Variants in POLE observed in about 807,000 individuals in gnomAD.
The protein encoded by POLE is DNA polymerase epsilon catalytic subunit A.
POLE carries 188 observed loss-of-function variants against 279.2 expected under a neutral mutation model. That is an observed-to-expected ratio of 0.67 (90% CI 0.60 to 0.76). The LOEUF is 0.76. Among genes scored for constraint, POLE ranks in the 30% least tolerant of loss-of-function variants. POLE has a pLI of 0.00. For missense variants in POLE, 2,703 were observed against 3,016.7 expected (o/e 0.90, Z 2.44); for synonymous variants, 1,214 against 1,172.5 (o/e 1.04, Z -0.72).
intron 25 of POLE, 36 bp downstream of exon 25, chr12:132,660,933 C>T (rs2138687773): frequency 2.0e-6 from 3 of 1,521,396 alleles, no homozygotes; most frequent in Non-Finnish European, 2.7e-6. Flanking sequence ...ATCCTTCATC[C>T]CTCAGAGCAG....
At position 132,649,704 on chromosome 12, in the gene POLE, C is replaced by G. The variant is rs776702809; in HGVS notation, c.3768G>C (p.Gly1256=). The G allele has an allele frequency of 6.2e-7, 1 of 1,613,980 alleles. No individual in the cohort carries two copies. The highest frequency in any genetic ancestry group is 8.5e-7 in the Non-Finnish European group (1 of 1,180,038). ...GGCTGGTTCCCAGGGCGGGAGGCTGCCCCAAGATTTCCTGCCAGGGCACAG... is the reference window on the plus strand; with the variant it reads ...GGCTGGTTCCCAGGGCGGGAGGCTGGCCCAAGATTTCCTGCCAGGGCACAG... ...TPTVPWQEIL[G]QPPALGTSQE... is the part of the protein sequence containing the mutation. The change falls in exon 30 of 49, where the codon GGG becomes GGC. Residue 1256 remains glycine, a synonymous_variant. Transcript: ENST00000320574.
In POLE at chr12:132,672,948, C is replaced by A. The variant is rs5744779; in HGVS notation, c.1474-109G>T. ...TTCAGTGTGAAAGGAGAGAAAACCT[C>A]GTGGTAAATGGCTGCAAATTCTGCC... is the stretch of plus-strand genomic sequence containing the variant. On this transcript the variant is annotated intron_variant, in intron 14 of 48. Transcript: ENST00000320574. The A allele has an allele frequency of 2.9e-6, 3 of 1,044,438 alleles. No homozygotes were observed. In the East Asian group the frequency reaches 7.8e-5, roughly 27 times the overall value. The allele number at this position is 1,044,438 out of a possible 1,614,324, so 64.7% of individuals were successfully genotyped here. A position where few individuals can be genotyped will look rare whatever the true frequency, so the allele number is the denominator to read the frequency against.
In POLE at chr12:132,624,893, G is replaced by A; in HGVS notation, c.6747+12C>T. On this transcript the variant is annotated intron_variant, in intron 48 of 48. Transcript: ENST00000320574. Reference sequence around the variant, plus strand: ...GGCCAGGCTGAGCCGAGGCAGATGAGGGAGAGCCCACCTGGGTGTGGATGG... The same window carrying A: ...GGCCAGGCTGAGCCGAGGCAGATGAAGGAGAGCCCACCTGGGTGTGGATGG... The A allele has an allele frequency of 1.2e-6, 2 of 1,611,706 alleles. No homozygotes were observed. The highest frequency in any genetic ancestry group is 1.7e-6 in the Non-Finnish European group (2 of 1,177,732).
Position 132,642,699 on chromosome 12 carries a change from C to G in POLE, c.4759G>C (p.Val1587Leu), listed in dbSNP as rs372388555. The G allele has an allele frequency of 1.2e-6, 2 of 1,613,692 alleles. No individual in the cohort carries two copies. Among genetic ancestry groups the G allele is most frequent in the Non-Finnish European group, 8.5e-7 (1 of 1,179,946 alleles). Residue 1587 changes from valine to leucine, a missense_variant, in exon 37 of 49, where the codon GTT (valine) becomes CTT (leucine). Around this residue, in one of 5 missense-constraint regions of POLE, gnomAD observed 1,551 missense variants for 1,686.1 expected, o/e 0.92. Transcript: ENST00000320574. ...EERRGPTLIAVQSSWELKRLA... is the reference protein window; with the variant it reads ...EERRGPTLIALQSSWELKRLA... ...CTCTTCAGCTCCCAGCTGGACTGAA[C>G]AGCGATGAGTGTGGGCCCCCGGCGC...
At chr12:132,655,307 T>C (rs1017560009) in intron 29 of POLE, among the ~76,000 whole-genome samples, 2 of 152,212 alleles carry the variant, frequency 1.3e-5, no homozygotes, top group Non-Finnish European at 2.9e-5. Context: ...CCACAAGTTA[T>C]AAATGTGTTT....
rs758619238 is a variant in POLE at position 132,638,083 on chromosome 12, C to A, written c.5609G>T (p.Arg1870Leu). 1.2e-6 allele frequency: 2 copies of A among 1,613,760 alleles called. No individual in the cohort carries two copies. Among genetic ancestry groups the A allele is most frequent in the Non-Finnish European group, 1.7e-6 (2 of 1,179,848 alleles). ...GCGCTTCTTTGTACAGAGGATGATGCGGTTGAAGTTGGCGTAGATGACTGA... is the reference window on the plus strand; with the variant it reads ...GCGCTTCTTTGTACAGAGGATGATGAGGTTGAAGTTGGCGTAGATGACTGA... ...GSSVIYANFN[R>L]IILCTKKRRV... The change falls in exon 41 of 49, where the codon CGC becomes CTC. Residue 1870 changes from arginine to leucine, a missense_variant. This residue lies in a region of POLE where 1,551 missense variants were observed against 1,686.1 expected (regional missense o/e 0.92). Transcript: ENST00000320574.
chr12:132,643,804 C>T (rs2138557423), intron 33 of POLE, 33 bp downstream of exon 33: 1 of 1,605,752 alleles, frequency 6.2e-7, no homozygotes, highest in Non-Finnish European at 8.5e-7. Flanking sequence ...CTGGAGCCTC[C>T]CCCAGTTCAG....
chr12:132,674,904 C>T (rs1403622170), intron 12 of POLE, among the ~76,000 whole-genome samples: 1 of 150,628 alleles, frequency 6.6e-6, no homozygotes, highest in Non-Finnish European at 1.5e-5. Context: ...CCTTCCTTCC[C>T]TTCCAGCCTC....
intron 32 of POLE, 175 bp downstream of exon 32, chr12:132,648,754 G>C: frequency 1.6e-6 from 1 of 642,258 alleles, no homozygotes; most frequent in South Asian, 2.4e-5. Flanking sequence ...CTCCATTCCC[G>C]GCACTCGCTC....
chr12:132,664,368 A>G lies in POLE; in HGVS notation c.2561+2T>C. 6.2e-7 allele frequency: 1 copy of G among 1,612,308 alleles called. No individual in the cohort carries two copies. On this transcript the variant is annotated splice_donor_variant, in intron 22 of 48. Coordinates refer to ENST00000320574, the MANE Select transcript of POLE (RefSeq NM_006231.4). LOFTEE classifies it high-confidence loss of function. This position sits in a 1 kb window ranked among gnomAD's most constrained non-coding sequence, Gnocchi z 5.3. ...GCCCCACGGCTCCCCTTCTGCACTC[A>G]CCCAATCTGCTCGATCAGCTCCCGT... is the stretch of plus-strand genomic sequence containing the variant.
At chr12:132,637,731 G>A (rs925091627) in intron 41 of POLE, among the ~76,000 whole-genome samples, 6 of 152,142 alleles carry the variant, frequency 3.9e-5, no homozygotes, top group Non-Finnish European at 8.8e-5. Flanking sequence ...TATCCATGGG[G>A]AAAAAAAGCA....
intron 45 of POLE, among the ~76,000 whole-genome samples, chr12:132,627,035 C>T (rs2041853723): frequency 6.6e-6 from 1 of 152,236 alleles, no homozygotes; most frequent in Non-Finnish European, 1.5e-5. Flanking sequence ...AATCCCAGCA[C>T]TTTGGTAGGC....
At chr12:132,658,581 G>A (rs1354389504) in intron 26 of POLE, 2 of 153,210 alleles carry the variant, frequency 1.3e-5, no homozygotes, top group African/African-American at 4.8e-5. Flanking sequence ...AAACGAGCCT[G>A]TTTTCATGTC....
intron 39 of POLE, among the ~76,000 whole-genome samples, chr12:132,640,453 C>T (rs898274740): frequency 2.6e-5 from 4 of 152,246 alleles, no homozygotes; most frequent in African/African-American, 9.6e-5. Context: ...ACACAAAAGC[C>T]ACAAGGGCGT....
rs2136012604 is a variant in POLE at position 132,675,872 on chromosome 12, A to G, written c.1021-52T>C. ...GTCTGCTCTTTCTCTTCTTCAAGCT[A>G]TTCCAAATTCCTCTCCCAAAGTTCA... On this transcript the variant is annotated intron_variant, in intron 10 of 48. Transcript: ENST00000320574. This position sits in a 1 kb window ranked among gnomAD's most constrained non-coding sequence, Gnocchi z 4.3. 2.1e-6 allele frequency: 3 copies of G among 1,428,486 alleles called. No individual in the cohort carries two copies. Among genetic ancestry groups the G allele is most frequent in the Non-Finnish European group, 3.0e-6 (3 of 1,011,962 alleles). The allele number at this position is 1,428,486 out of a possible 1,614,324, so 88.5% of individuals were successfully genotyped here. A position where few individuals can be genotyped will look rare whatever the true frequency, so the allele number is the denominator to read the frequency against.
At position 132,657,405 on chromosome 12, in the gene POLE, C is replaced by G; in HGVS notation, c.3403G>C (p.Glu1135Gln). 6.2e-7 allele frequency: 1 copy of G among 1,614,084 alleles called. No individual in the cohort carries two copies. The highest frequency in any genetic ancestry group is 8.5e-7 in the Non-Finnish European group (1 of 1,180,018). ...RAILDWDYYIERLGSAIQKII... is the reference protein window; with the variant it reads ...RAILDWDYYIQRLGSAIQKII... ...TTCTGGATGGCGCTTCCCAGCCGCTCAATGTAGTAGTCCCAATCCAGAATC... is the reference window on the plus strand; with the variant it reads ...TTCTGGATGGCGCTTCCCAGCCGCTGAATGTAGTAGTCCCAATCCAGAATC... The change falls in exon 28 of 49, where the codon GAG becomes CAG. Residue 1135 changes from glutamate (E) to glutamine (Q), a missense_variant. By Grantham distance (29) the Glu-to-Gln change is conservative (BLOSUM62 2). This residue lies in a region of POLE where 1,551 missense variants were observed against 1,686.1 expected (regional missense o/e 0.92). Transcript: ENST00000320574.
chr12:132,677,952 C>A (rs2043093521), intron 6 of POLE, among the ~76,000 whole-genome samples: 2 of 151,852 alleles, frequency 1.3e-5, no homozygotes, highest in Admixed American at 1.3e-4. Flanking sequence ...CCAAGGAAGG[C>A]GGATCACCCG....
chr12:132,636,164 C>T, intron 41 of POLE, 140 bp from the exon 42 acceptor site: 1 of 894,274 alleles, frequency 1.1e-6, no homozygotes, highest in Non-Finnish European at 1.6e-6. Flanking sequence ...CATCATCCCT[C>T]AGGCTTCCTG....
chr12:132,641,948 G>T, intron 38 of POLE, 97 bp from the exon 39 acceptor site: 1 of 1,199,854 alleles, frequency 8.3e-7, no homozygotes, highest in Non-Finnish European at 1.2e-6. Context: ...TCCAGAACCA[G>T]CAACAGACCT....
Sources: gnomAD v4.1 joint callset for allele counts (sites outside exome capture counted in the v4.1 genomes callset) on GRCh38, gnomAD v4.1.1 for gene constraint, gnomAD v4.1.1 regional missense constraint, Gnocchi (gnomAD v3.1) non-coding constraint, MANE v1.5 for transcripts, NCBI Gene and HGNC (gene_info 2026-07-23, HGNC 2026-07-21) for gene names.